ARHGEF6: variants seen among roughly 807,000 people sequenced by gnomAD.
ARHGEF6 encodes the protein rho guanine nucleotide exchange factor 6.
Under a neutral mutation model 70.3 loss-of-function variants are expected in ARHGEF6, and 9 were observed. The ratio of observed to expected loss-of-function variants is 0.13; its 90% confidence interval spans 0.08 to 0.22. The LOEUF (loss-of-function observed/expected upper bound fraction) is 0.22, where lower values mean the gene tolerates loss of function less well. Among genes scored for constraint, ARHGEF6 ranks in the 10% least tolerant of loss-of-function variants. The pLI is 1.00. For missense variants in ARHGEF6, 470 were observed against 563.0 expected (o/e 0.83, Z 1.67); for synonymous variants, 201 against 207.8 (o/e 0.97, Z 0.28).
chrX:136,727,397 C>CTTTCTTTCTTTCTTTCTTTCTTTCTT (rs1285307734), intron 6 of ARHGEF6, among the ~76,000 whole-genome samples: 1 of 76,272 alleles, frequency 1.3e-5, no homozygotes, highest in East Asian at 4.1e-4. Context: ...TTCTTTCTTT[C>CTTTCTTTCTTTCTTTCTTTCTTTCTT]TCTCTCTCTC....
Position 136,732,150 on chromosome X carries a change from G to C in ARHGEF6, c.684C>G (p.Ala228=). 1 of 1,206,179 alleles carries C rather than the reference G, an allele frequency of 8.3e-7. No individual in the cohort carries two copies. The highest frequency in any genetic ancestry group is 1.1e-6 in the Non-Finnish European group (1 of 891,201). ...KSSERPLSPK[A]VKGFETAPLT... ...GTGGAGCAGTTTCAAATCCTTTGACGGCTTTTGGGGAGAGAGGTCTCTCTG... is the reference window on the plus strand; with the variant it reads ...GTGGAGCAGTTTCAAATCCTTTGACCGCTTTTGGGGAGAGAGGTCTCTCTG... The change falls in exon 6 of 22, where the codon GCC becomes GCG. Residue 228 remains alanine (A), a synonymous_variant. Transcript: ENST00000250617.
chrX:136,715,917 T>C (rs1057319165), intron 6 of ARHGEF6, among the ~76,000 whole-genome samples: 1 of 112,379 alleles, frequency 8.9e-6, no homozygotes, highest in Non-Finnish European at 1.9e-5. Flanking sequence ...ATTTTTTGTT[T>C]GTTTGTTTGC....
At chrX:136,691,212 G>A (rs760630955) in intron 9 of ARHGEF6, among the ~76,000 whole-genome samples, 5 of 111,687 alleles carry the variant, frequency 4.5e-5, no homozygotes, top group Non-Finnish European at 9.4e-5. Flanking sequence ...GGTGCCTAAA[G>A]ATAACAATCC....
intron 9 of ARHGEF6, among the ~76,000 whole-genome samples, chrX:136,692,311 C>A (rs1603338136): frequency 9.0e-6 from 1 of 111,436 alleles, no homozygotes; most frequent in Admixed American, 9.5e-5. Flanking sequence ...AGGCTGGTGT[C>A]GAACTCCTGG....
rs192417282 is a variant in ARHGEF6, at chrX:136,702,793, C to T, written c.1046+4115G>A. Among the ~76,000 whole-genome samples the T allele has an allele frequency of 1.2e-4, 14 of 112,133 alleles. No individual in the cohort carries two copies. In the East Asian group the frequency reaches 3.6e-3, roughly 29 times the overall value. ...ATCTATTGTGGTTAGAATTTAACAT[C>T]TCTCTATCAGGAACTGACAGATCCA... On this transcript the variant is annotated intron_variant, in intron 9 of 21. Coordinates refer to ENST00000250617, the MANE Select transcript of ARHGEF6 (RefSeq NM_004840.3).
intron 5 of ARHGEF6, among the ~76,000 whole-genome samples, chrX:136,737,681 C>G (rs763675079): frequency 1.0e-5 from 1 of 97,540 alleles, no homozygotes; most frequent in South Asian, 4.8e-4. Context: ...TAGTGAGATC[C>G]CGTGTTAAAA....
chrX:136,733,963 T>C (rs1226647161), intron 5 of ARHGEF6, among the ~76,000 whole-genome samples: 1 of 112,217 alleles, frequency 8.9e-6, no homozygotes, highest in African/African-American at 3.2e-5. Context: ...AAGACCTTGC[T>C]GGGAAGGAGG....
intron 19 of ARHGEF6, among the ~76,000 whole-genome samples, chrX:136,673,490 G>A (rs1447155354): frequency 1.8e-5 from 2 of 111,746 alleles, no homozygotes; most frequent in South Asian, 3.7e-4. Context: ...AGGGAGCAAG[G>A]GTGAAGACGT....
Position 136,743,676 on chromosome X carries a change from T to A in ARHGEF6, c.570A>T (p.Thr190=), listed in dbSNP as rs745536960. 1 of 1,211,756 alleles carries A rather than the reference T, an allele frequency of 8.3e-7. No individual in the cohort carries two copies. ...SVCKGDIIYV[T]RVEEGGWWEG... is the part of the protein sequence containing the mutation. ...CCCACCAGCCTCCTTCTTCAACTCG[T>A]GTGACGTAAATGATGTCCCCCTTAC... Residue 190 remains threonine, a synonymous_variant, in exon 5 of 22, where the codon ACA becomes ACT. Transcript: ENST00000250617.
rs762641850 is a variant in ARHGEF6, at chrX:136,685,818, T to C, written c.1251A>G (p.Gln417=). 25 of 1,208,755 alleles carry C rather than the reference T, an allele frequency of 2.1e-5. No individual in the cohort carries two copies. The highest frequency in any genetic ancestry group is 2.3e-4 in the Middle Eastern group (1 of 4,373). The change falls in exon 12 of 22, where the codon CAA becomes CAG. Residue 417 remains glutamine (Q), a synonymous_variant. Transcript: ENST00000250617. ...GTTTTCTCTTCCTCAGATCTTGACA[T>C]TGCCCCTACAGAACCAAAGCAGAAC... ...AIVAFKTLMG[Q]CQDLRKRKQL... is the part of the protein sequence containing the mutation.
At chrX:136,708,237 G>C (rs906145114) in intron 8 of ARHGEF6, among the ~76,000 whole-genome samples, 2 of 110,423 alleles carry the variant, frequency 1.8e-5, no homozygotes, top group South Asian at 3.9e-4. Flanking sequence ...AGGGGAGGGA[G>C]AGCATTAGGA....
Position 136,672,093 on chromosome X carries a change from C to T in ARHGEF6, c.2062G>A (p.Val688Ile), listed in dbSNP as rs1269462510. The T allele has an allele frequency of 2.5e-6, 3 of 1,209,427 alleles. No individual in the cohort carries two copies. Among genetic ancestry groups the T allele is most frequent in the Middle Eastern group, 2.3e-4 (1 of 4,352 alleles). ...SSTRKDSIPQVLLPEEEKLII... is the reference protein window; with the variant it reads ...SSTRKDSIPQILLPEEEKLII... ...AGTTTCTCTTCCTCAGGGAGTAGGA[C>T]TTGTGGAATGGAATCTTTTCGAGTA... The change falls in exon 20 of 22, where the codon GTC becomes ATC. Residue 688 changes from valine to isoleucine, a missense_variant. Transcript: ENST00000250617.
rs1395999709 is a variant in ARHGEF6 at position 136,675,151 on chromosome X, A to G, written c.1946-55T>C. ...ATAGATATATGCTTTTGGACCCTCA[A>G]AATGATGCAGCACACTCCACTGCCT... On this transcript the variant is annotated intron_variant, in intron 18 of 21. Coordinates refer to ENST00000250617, the MANE Select transcript of ARHGEF6 (RefSeq NM_004840.3). 9.7e-6 allele frequency: 10 copies of G among 1,026,477 alleles called. No individual in the cohort carries two copies. In the Admixed American group the frequency reaches 2.3e-4, roughly 23 times the overall value. The allele number at this position is 1,026,477 out of a possible 1,213,427, so 84.6% of individuals were successfully genotyped here. A position where few individuals can be genotyped will look rare whatever the true frequency, so the allele number is the denominator to read the frequency against.
chrX:136,684,791 T>G (rs1360625596), intron 12 of ARHGEF6, among the ~76,000 whole-genome samples: 2 of 111,635 alleles, frequency 1.8e-5, no homozygotes, highest in African/African-American at 6.5e-5. Flanking sequence ...TGCCTCCAAT[T>G]TGCTCCTTCT....
intron 2 of ARHGEF6, among the ~76,000 whole-genome samples, chrX:136,759,752 C>T (rs745811035): frequency 1.8e-5 from 2 of 111,798 alleles, no homozygotes; most frequent in Non-Finnish European, 3.8e-5. Flanking sequence ...TTGCAAACTG[C>T]TGCATTTTAT....
chrX:136,681,111 C>T (rs142210925), intron 14 of ARHGEF6, among the ~76,000 whole-genome samples: 457 of 112,409 alleles, frequency 4.1e-3, no homozygotes, highest in Non-Finnish European at 5.3e-3. Flanking sequence ...TTACTGCTTA[C>T]AGAAGCTTAA....
intron 6 of ARHGEF6, among the ~76,000 whole-genome samples, chrX:136,727,305 G>GTCTTTCTT (rs1235171712): frequency 1.2e-4 from 8 of 67,429 alleles, no homozygotes; most frequent in South Asian, 9.5e-4. Flanking sequence ...GATGTCTGTA[G>GTCTTTCTT]TCTTTCTTTC....
At chrX:136,668,211 G>C (rs746496281) in intron 21 of ARHGEF6, 42 bp from the exon 22 acceptor site, 2 of 1,202,696 alleles carry the variant, frequency 1.7e-6, no homozygotes, top group Admixed American at 4.4e-5. Context: ...ACAGAGGGGG[G>C]CCCTTCCAAG....
At chrX:136,756,575 C>T (rs1236398369) in intron 2 of ARHGEF6, among the ~76,000 whole-genome samples, 2 of 111,778 alleles carry the variant, frequency 1.8e-5, no homozygotes, top group African/African-American at 3.3e-5. Flanking sequence ...AGCCAGAGCA[C>T]AATGGGACAC....
Sources: gnomAD v4.1 joint callset for allele counts (sites outside exome capture counted in the v4.1 genomes callset) on GRCh38, gnomAD v4.1.1 for gene constraint, MANE v1.5 for transcripts, NCBI Gene and HGNC (gene_info 2026-07-23, HGNC 2026-07-21) for gene names.